The following RASA2 variants were observed in gnomAD, a reference collection of about 807,000 sequenced individuals.
RASA2 encodes the protein ras GTPase-activating protein 2.
Under a neutral mutation model 118.2 loss-of-function variants are expected in RASA2, and 155 were observed. That is an observed-to-expected ratio of 1.31 (90% CI 1.15 to 1.50). The LOEUF is 1.50. Among genes scored for constraint, RASA2 ranks in the 40% most tolerant of loss-of-function variants. RASA2 has a pLI of 0.00. For synonymous variants in RASA2, 353 were observed against 349.1 expected (o/e 1.01, Z -0.12); for missense variants, 1,016 against 1,009.6 (o/e 1.01, Z -0.09).
intron 14 of RASA2, 30 bp downstream of exon 14, chr3:141,574,097 A>G (rs747338290): frequency 2.2e-6 from 3 of 1,377,902 alleles, no homozygotes; most frequent in Non-Finnish European, 2.9e-6. Context: ...AAAACATGCC[A>G]TTTATTTTTC....
At chr3:141,579,959 G>A (rs753266240) in intron 15 of RASA2, among the ~76,000 whole-genome samples, 37 of 149,546 alleles carry the variant, frequency 2.5e-4, no homozygotes, top group Non-Finnish European at 4.0e-4. Flanking sequence ...AGGAGACTGA[G>A]ACAGGAGAAT....
chr3:141,575,509 C>T (rs1222485727), intron 14 of RASA2, among the ~76,000 whole-genome samples: 1 of 152,186 alleles, frequency 6.6e-6, no homozygotes, highest in Non-Finnish European at 1.5e-5. Flanking sequence ...GTGTGTTAGC[C>T]TCCATTGTCT....
intron 1 of RASA2, among the ~76,000 whole-genome samples, chr3:141,503,559 A>G (rs900023645): frequency 3.3e-5 from 5 of 152,238 alleles, no homozygotes; most frequent in African/African-American, 7.2e-5. Context: ...GCTGTTTTCT[A>G]TAGTTACATG....
chr3:141,578,780 G>C (rs1382841669), intron 15 of RASA2: 1 of 152,204 alleles, frequency 6.6e-6, no homozygotes, highest in Admixed American at 6.5e-5. Context: ...ATTCATACTT[G>C]AATTTGCATA....
At chr3:141,489,168 C>A (rs932016702) in intron 1 of RASA2, among the ~76,000 whole-genome samples, 1 of 152,138 alleles carries the variant, frequency 6.6e-6, no homozygotes, top group African/African-American at 2.4e-5. Flanking sequence ...TTATCCTAGT[C>A]AGTTTCTTGC....
At chr3:141,589,860 A>G (rs749460794) in intron 19 of RASA2, among the ~76,000 whole-genome samples, 1 of 152,116 alleles carries the variant, frequency 6.6e-6, no homozygotes, top group African/African-American at 2.4e-5. Flanking sequence ...AAGAAAAAAA[A>G]AAGAATCTCT....
At chr3:141,538,023 A>G (rs1198753963) in intron 4 of RASA2, among the ~76,000 whole-genome samples, 1 of 152,104 alleles carries the variant, frequency 6.6e-6, no homozygotes, top group African/African-American at 2.4e-5. Flanking sequence ...GAACTACATC[A>G]TATGGCTATC....
chr3:141,502,997 A>G (rs73869643), intron 1 of RASA2, among the ~76,000 whole-genome samples: 1 of 152,226 alleles, frequency 6.6e-6, no homozygotes, highest in Non-Finnish European at 1.5e-5. Flanking sequence ...GATTTATGCC[A>G]GATAACCTTA....
chr3:141,521,964 T>C (rs910881615), intron 3 of RASA2, among the ~76,000 whole-genome samples: 8 of 151,952 alleles, frequency 5.3e-5, no homozygotes, highest in African/African-American at 1.9e-4. Flanking sequence ...AGCCACTCAA[T>C]TGTAGATTAA....
At chr3:141,536,545 A>G (rs529312550) in intron 4 of RASA2, among the ~76,000 whole-genome samples, 4 of 152,344 alleles carry the variant, frequency 2.6e-5, no homozygotes, top group Non-Finnish European at 5.9e-5. Context: ...AGTCAGTGCT[A>G]TGGAAGTCAT....
intron 1 of RASA2, among the ~76,000 whole-genome samples, chr3:141,493,403 TCTGA>T (rs1041362932): frequency 1.5e-4 from 23 of 152,202 alleles, no homozygotes; most frequent in African/African-American, 3.6e-4. Flanking sequence ...TATTTTCAGT[TCTGA>T]CTGTCTGTCA....
chr3:141,541,231 A>C (rs2151102731), intron 5 of RASA2, among the ~76,000 whole-genome samples: 1 of 152,300 alleles, frequency 6.6e-6, no homozygotes, highest in Middle Eastern at 3.4e-3. Flanking sequence ...CCCACAAAGT[A>C]CAGCAGTTTC....
intron 19 of RASA2, among the ~76,000 whole-genome samples, chr3:141,599,288 T>A (rs1197996436): frequency 6.6e-6 from 1 of 151,332 alleles, no homozygotes; most frequent in Non-Finnish European, 1.5e-5. Context: ...TTATTTTATG[T>A]TACTCTGCTG....
chr3:141,594,878 T>A lies in RASA2; in HGVS notation c.1933+8126T>A, dbSNP rs114236324. On this transcript the variant is annotated intron_variant, in intron 19 of 23. Coordinates refer to ENST00000286364, the MANE Select transcript of RASA2 (RefSeq NM_006506.5). ...GGGTAAATGTAAGAATGCCTGTTTTTTTTTTCTCCATTTCTTTAAAAAGCA... is the reference window on the plus strand; with the variant it reads ...GGGTAAATGTAAGAATGCCTGTTTTATTTTTCTCCATTTCTTTAAAAAGCA... Among the ~76,000 whole-genome samples the A allele has an allele frequency of 8.5e-3, 1,284 of 151,942 alleles. 20 individuals carry two copies. The highest frequency in any genetic ancestry group is 0.029 in the African/African-American group (1,193 of 41,456).
At chr3:141,608,036 T>G (rs2083575409) in intron 20 of RASA2, among the ~76,000 whole-genome samples, 1 of 152,212 alleles carries the variant, frequency 6.6e-6, no homozygotes, top group Non-Finnish European at 1.5e-5. Flanking sequence ...TTCTCAAGAT[T>G]TCCCTGTTAT....
intron 1 of RASA2, among the ~76,000 whole-genome samples, chr3:141,493,905 A>C (rs1225615908): frequency 2.6e-5 from 4 of 152,238 alleles, no homozygotes; most frequent in African/African-American, 9.6e-5. Flanking sequence ...CCACCAACAT[A>C]CAAATTATAG....
chr3:141,599,160 CG>C (rs2083422746), intron 19 of RASA2, among the ~76,000 whole-genome samples: 1 of 150,996 alleles, frequency 6.6e-6, no homozygotes, highest in African/African-American at 2.4e-5. Context: ...CAAAACACTC[CG>C]GAGATAAGGT....
chr3:141,536,610 CA>C (rs2082330761), intron 4 of RASA2, among the ~76,000 whole-genome samples: 1 of 152,124 alleles, frequency 6.6e-6, no homozygotes, highest in South Asian at 2.1e-4. Flanking sequence ...ACGTATAATA[CA>C]GTGCAAGGTA....
At chr3:141,492,680 C>CTTAA (rs2081652874) in intron 1 of RASA2, among the ~76,000 whole-genome samples, 1 of 152,198 alleles carries the variant, frequency 6.6e-6, no homozygotes, top group African/African-American at 2.4e-5. Flanking sequence ...GAACCATTTG[C>CTTAA]TTTAAGGCAG....
Sources: gnomAD v4.1 joint callset for allele counts (sites outside exome capture counted in the v4.1 genomes callset) on GRCh38, gnomAD v4.1.1 for gene constraint, MANE v1.5 for transcripts, NCBI Gene and HGNC (gene_info 2026-07-23, HGNC 2026-07-21) for gene names.